LRRC4C: variants seen among roughly 807,000 people sequenced by gnomAD.
The protein encoded by LRRC4C is leucine rich repeat containing 4C, also known as leucine-rich repeat-containing protein 4C.
Under a neutral mutation model 33.6 loss-of-function variants are expected in LRRC4C, and 5 were observed. The observed-to-expected ratio is 0.15, with a 90% CI of 0.08 to 0.31. The LOEUF (loss-of-function observed/expected upper bound fraction) is 0.31. Among genes scored for constraint, LRRC4C ranks in the 10% least tolerant of loss-of-function variants. LRRC4C has a pLI of 1.00. For missense variants in LRRC4C, 560 were observed against 796.7 expected, an observed-to-expected ratio of 0.70 and a Z score of 3.58; for synonymous variants, 329 against 302.0, an observed-to-expected ratio of 1.09 and a Z score of -0.93.
At position 40,156,399 on chromosome 11, in the gene LRRC4C, A is replaced by G. The variant is rs537613135; in HGVS notation, c.-95-15546T>C. Among the ~76,000 whole-genome samples the G allele has an allele frequency of 2.0e-5, 3 of 152,324 alleles. No individual in the cohort carries two copies. In the South Asian group the frequency reaches 6.2e-4, roughly 32 times the overall value. ...AGGGCATCCAAGTCAGTAAAGAAGA[A>G]GTCAAACTGTCACTGTTTGCTGAAG... On this transcript the variant is annotated intron_variant, in intron 5 of 6. Transcript: ENST00000528697.
At chr11:40,363,463 G>A (rs536550782) in intron 3 of LRRC4C, among the ~76,000 whole-genome samples, 1 of 152,140 alleles carries the variant, frequency 6.6e-6, no homozygotes, top group Admixed American at 6.6e-5. Flanking sequence ...TGGGTACTAG[G>A]CTTAATACCT....
chr11:40,265,723 C>T (rs72891085), intron 4 of LRRC4C, among the ~76,000 whole-genome samples: 11,256 of 152,152 alleles, frequency 0.074, 528 homozygotes, highest in African/African-American at 0.12. Context: ...AAATTCAGCT[C>T]AGGCAGACAA....
At chr11:40,478,629 G>A (rs1221973710) in intron 3 of LRRC4C, among the ~76,000 whole-genome samples, 2 of 152,140 alleles carry the variant, frequency 1.3e-5, no homozygotes, top group African/African-American at 4.8e-5. Context: ...TGCCATGTTG[G>A]TTTGCTGTAC....
intron 3 of LRRC4C, among the ~76,000 whole-genome samples, chr11:40,500,289 TATATAC>T (rs1381548756): frequency 8.3e-4 from 69 of 83,620 alleles, no homozygotes; most frequent in Admixed American, 2.2e-3. Flanking sequence ...TATATATATA[TATATAC>T]ACACACACAC....
At chr11:40,874,698 C>A (rs2135965235) in intron 2 of LRRC4C, among the ~76,000 whole-genome samples, 1 of 152,274 alleles carries the variant, frequency 6.6e-6, no homozygotes, top group Middle Eastern at 3.4e-3. Flanking sequence ...ATATGAGAAG[C>A]TTTGAAAAGT....
rs376608087 is a variant in LRRC4C at position 40,851,327 on chromosome 11, C to G, written c.-407+82308G>C. On this transcript the variant is annotated intron_variant, in intron 2 of 6. Coordinates refer to ENST00000528697, the MANE Select transcript of LRRC4C (RefSeq NM_001258419.2). ...GAAGACCATGGGAAAGGCGTAGCAT[C>G]TGGGTCAGAGAGCACTGTCCCTCAC... 3.3e-5 allele frequency among the ~76,000 whole-genome samples: 5 copies of G among 152,160 alleles called. No homozygotes were observed. In the South Asian group the frequency reaches 8.3e-4, roughly 25 times the overall value.
chr11:41,390,676 T>C (rs1398215150), intron 1 of LRRC4C, among the ~76,000 whole-genome samples: 1 of 151,908 alleles, frequency 6.6e-6, no homozygotes, highest in African/African-American at 2.4e-5. Flanking sequence ...TCATCTCCAC[T>C]TTGAATTAGG....
intron 2 of LRRC4C, among the ~76,000 whole-genome samples, chr11:40,837,799 A>C (rs1952739299): frequency 6.6e-6 from 1 of 151,926 alleles, no homozygotes; most frequent in Non-Finnish European, 1.5e-5. Flanking sequence ...GCAGTGAGCC[A>C]TGATCACATG....
chr11:40,519,529 A>G (rs1480381366), intron 3 of LRRC4C, among the ~76,000 whole-genome samples: 1 of 152,150 alleles, frequency 6.6e-6, no homozygotes, highest in East Asian at 1.9e-4. Context: ...TCTTAGCCAT[A>G]TAAACTAGAA....
intron 2 of LRRC4C, among the ~76,000 whole-genome samples, chr11:40,856,287 C>T (rs1953778028): frequency 6.6e-6 from 1 of 152,128 alleles, no homozygotes; most frequent in Non-Finnish European, 1.5e-5. Context: ...AAAAGAAAGA[C>T]ATTTTGTAGA....
At chr11:40,366,688 A>G (rs1484834212) in intron 3 of LRRC4C, among the ~76,000 whole-genome samples, 1 of 152,088 alleles carries the variant, frequency 6.6e-6, no homozygotes, top group Non-Finnish European at 1.5e-5. Flanking sequence ...ATTTATGCAC[A>G]TAACAAACAT....
intron 2 of LRRC4C, among the ~76,000 whole-genome samples, chr11:40,704,537 C>A (rs1194566887): frequency 6.6e-6 from 1 of 152,114 alleles, no homozygotes; most frequent in Non-Finnish European, 1.5e-5. Flanking sequence ...TCTGCATAGA[C>A]TGTAGTGATT....
intron 4 of LRRC4C, among the ~76,000 whole-genome samples, chr11:40,261,848 A>G (rs1246749629): frequency 5.9e-5 from 9 of 152,184 alleles, no homozygotes; most frequent in Non-Finnish European, 1.3e-4. Flanking sequence ...AGGACGGATT[A>G]AAGACTTAAA....
chr11:41,313,992 C>T (rs780873906), intron 1 of LRRC4C, among the ~76,000 whole-genome samples: 1 of 151,996 alleles, frequency 6.6e-6, no homozygotes, highest in Non-Finnish European at 1.5e-5. Flanking sequence ...GGTATACTGG[C>T]CTTAAGAAAC....
At chr11:41,383,886 T>C (rs985967597) in intron 1 of LRRC4C, among the ~76,000 whole-genome samples, 8 of 151,834 alleles carry the variant, frequency 5.3e-5, no homozygotes, top group African/African-American at 1.9e-4. Context: ...AGTAAAAAGA[T>C]GATAAAAGAA....
At position 40,476,339 on chromosome 11, in the gene LRRC4C, C is replaced by CTTTTTTCTTTCTT. The variant is rs376644704; in HGVS notation, c.-269-156619_-269-156618insAAGAAAGAAAAAA. ...AAACTAATGAGTGCACATTTTTTTT[C>CTTTTTTCTTTCTT]TTCTTTTTTTTTTTTTTTTTTTTTT... On this transcript the variant is annotated intron_variant, in intron 3 of 6. Transcript: ENST00000528697. 3.7e-4 allele frequency among the ~76,000 whole-genome samples: 45 copies of CTTTTTTCTTTCTT among 121,570 alleles called. 1 individual carries two copies. The highest frequency in any genetic ancestry group is 4.0e-4 in the Non-Finnish European group (24 of 60,300). 79.8% of individuals were successfully genotyped at this position (121,570 alleles called of 152,430 possible).
intron 2 of LRRC4C, among the ~76,000 whole-genome samples, chr11:40,823,412 T>G (rs1045128080): frequency 1.3e-5 from 2 of 151,618 alleles, no homozygotes; most frequent in Non-Finnish European, 3.0e-5. Flanking sequence ...TAAAAATAAA[T>G]ACATTAATTA....
chr11:40,477,482 A>T (rs1357764814), intron 3 of LRRC4C, among the ~76,000 whole-genome samples: 6 of 151,806 alleles, frequency 4.0e-5, no homozygotes, highest in Non-Finnish European at 7.4e-5. Context: ...TTCATTACCC[A>T]CCTTTTATTT....
intron 1 of LRRC4C, among the ~76,000 whole-genome samples, chr11:40,967,100 G>T (rs1433314103): frequency 6.6e-6 from 1 of 151,690 alleles, no homozygotes; most frequent in Non-Finnish European, 1.5e-5. Context: ...ACCAAATTTA[G>T]TTAGCTAATC....
Sources: gnomAD v4.1 joint callset for allele counts (sites outside exome capture counted in the v4.1 genomes callset) on GRCh38, gnomAD v4.1.1 for gene constraint, MANE v1.5 for transcripts, NCBI Gene and HGNC (gene_info 2026-07-23, HGNC 2026-07-21) for gene names.